PCDHA10: variants seen among roughly 807,000 people sequenced by gnomAD.
PCDHA10 encodes protocadherin alpha 10.
PCDHA10 carries 45 observed loss-of-function variants against 61.2 expected under a neutral mutation model. That is an observed-to-expected ratio of 0.74 (90% CI 0.58 to 0.94). The LOEUF (loss-of-function observed/expected upper bound fraction) is 0.94. Ranked by LOEUF, PCDHA10 falls within the 40% of genes least tolerant of loss-of-function variation. PCDHA10 has a pLI of 0.00. For synonymous variants in PCDHA10, 602 were observed against 548.8 expected (o/e 1.10, Z -1.35); for missense variants, 1,278 against 1,236.2 (o/e 1.03, Z -0.51).
At chr5:140,912,310 A>T (rs936183695) in intron 1 of PCDHA10, among the ~76,000 whole-genome samples, 1 of 151,764 alleles carries the variant, frequency 6.6e-6, no homozygotes, top group African/African-American at 2.4e-5. Flanking sequence ...AATCCAGTCA[A>T]GTTGACCCTC....
In PCDHA10 at chr5:140,940,501, C is replaced by T. The variant is rs542798581; in HGVS notation, c.2389-38448C>T. Among the ~76,000 whole-genome samples, 272 of 152,010 alleles carry T rather than the reference C, an allele frequency of 1.8e-3. 2 individuals are homozygous for T. The highest frequency in any genetic ancestry group is 6.1e-3 in the African/African-American group (254 of 41,464). Reference sequence around the variant, plus strand: ...TTTTTCAAGACAAGTCTTGCTCCGTCGCTCAGGCGTGATCATAGCTCACTG... The same window carrying T: ...TTTTTCAAGACAAGTCTTGCTCCGTTGCTCAGGCGTGATCATAGCTCACTG... On this transcript the variant is annotated intron_variant, in intron 1 of 3. Coordinates refer to ENST00000307360, the MANE Select transcript of PCDHA10 (RefSeq NM_018901.4).
rs781842183 is a variant in PCDHA10 at position 140,858,154 on chromosome 5, C to G, written c.2106C>G (p.Ile702Met). 2 of 1,597,814 alleles carry G rather than the reference C, an allele frequency of 1.3e-6. No homozygotes were observed. The highest frequency in any genetic ancestry group is 1.3e-5 in the African/African-American group (1 of 74,538). Residue 702 changes from isoleucine to methionine, a missense_variant, in exon 1 of 4, where the codon ATC (isoleucine) becomes ATG (methionine). Transcript: ENST00000307360. The stretch of plus-strand genomic sequence containing the variant: ...TCAACGTGTACCTGATCATCGCCAT[C>G]TGCGCGGTGTCCAGCTTGCTGGTGC... Reference protein sequence around the residue: ...VDVNVYLIIAICAVSSLLVLT... With the variant: ...VDVNVYLIIAMCAVSSLLVLT...
chr5:140,967,361 C>G (rs1323729968), intron 1 of PCDHA10: 9 of 1,607,256 alleles, frequency 5.6e-6, no homozygotes, highest in African/African-American at 1.3e-5. Context: ...GGACCTTAAG[C>G]CCCTGCAGGA....
At chr5:140,912,578 A>G (rs2075983045) in intron 1 of PCDHA10, among the ~76,000 whole-genome samples, 1 of 152,052 alleles carries the variant, frequency 6.6e-6, no homozygotes, top group Admixed American at 6.5e-5. Context: ...CCTCTTTTCC[A>G]ATTTGGATGC....
intron 3 of PCDHA10, among the ~76,000 whole-genome samples, chr5:140,998,221 C>G (rs1478098925): frequency 1.3e-5 from 2 of 152,160 alleles, no homozygotes; most frequent in Non-Finnish European, 2.9e-5. Flanking sequence ...TAACCACACC[C>G]AGAAATTTGT....
At chr5:140,927,720 G>A in intron 1 of PCDHA10, 6 of 1,614,174 alleles carry the variant, frequency 3.7e-6, no homozygotes, top group Non-Finnish European at 4.2e-6. Context: ...GCAACAGCAC[G>A]CAAGCAGAGC....
At chr5:140,869,529 T>A in intron 1 of PCDHA10, 2 of 1,614,166 alleles carry the variant, frequency 1.2e-6, no homozygotes, top group Non-Finnish European at 1.7e-6. Flanking sequence ...AGCTGCTGAT[T>A]GCGGAATCTA....
chr5:140,869,484 C>G (rs782167038), intron 1 of PCDHA10: 2 of 1,613,948 alleles, frequency 1.2e-6, no homozygotes, highest in Non-Finnish European at 1.7e-6. Context: ...AGGACATTAA[C>G]GACAACCCGC....
rs782023174 is a variant in PCDHA10 at position 140,870,968 on chromosome 5, G to A, written c.2388+12532G>A. 39 of 1,613,492 alleles carry A rather than the reference G, an allele frequency of 2.4e-5. No homozygotes were observed. Among genetic ancestry groups the A allele is most frequent in the Admixed American group, 2.2e-4 (13 of 59,998 alleles). ...GCGGGCGGCTCGCGCATCCCGTTCC[G>A]CGTGGGGCTGTACACGGGCGAGATA... On this transcript the variant is annotated intron_variant, in intron 1 of 3. Transcript: ENST00000307360.
At chr5:140,869,857 A>T in intron 1 of PCDHA10, 1 of 1,610,928 alleles carries the variant, frequency 6.2e-7, no homozygotes, top group Non-Finnish European at 8.5e-7. Flanking sequence ...GGTGAGCCTT[A>T]TGGAAAATGC....
chr5:140,918,111 C>T (rs1035723043), intron 1 of PCDHA10, among the ~76,000 whole-genome samples: 1 of 152,016 alleles, frequency 6.6e-6, no homozygotes, highest in Non-Finnish European at 1.5e-5. Flanking sequence ...CTTTCACATC[C>T]TTGATTAGCC....
At position 140,870,848 on chromosome 5, in the gene PCDHA10, G is replaced by C. The variant is rs368769297; in HGVS notation, c.2388+12412G>C. The C allele has an allele frequency of 2.2e-5, 35 of 1,613,876 alleles. No homozygotes were observed. In the African/African-American group the frequency reaches 3.3e-4, roughly 15 times the overall value. ...GGCGCAGTTAACAAGCTAGTACCGCGGTCGGTGGGTGCGGGCCACGTGGTG... is the reference window on the plus strand; with the variant it reads ...GGCGCAGTTAACAAGCTAGTACCGCCGTCGGTGGGTGCGGGCCACGTGGTG... On this transcript the variant is annotated intron_variant, in intron 1 of 3. Transcript: ENST00000307360.
In PCDHA10 at chr5:140,968,189, T is replaced by G. The variant is rs181004208; in HGVS notation, c.2389-10760T>G. The G allele has an allele frequency of 2.2e-5, 35 of 1,614,034 alleles. No individual in the cohort carries two copies. The Admixed American group carries it at 4.2e-4, about 19-fold the overall frequency. On this transcript the variant is annotated intron_variant, in intron 1 of 3. Coordinates refer to ENST00000307360, the MANE Select transcript of PCDHA10 (RefSeq NM_018901.4). ...ACCAAGCTTCCTGGAGGACTCCTAT[T>G]CCATCTACATACAGGAGAACAATTT... is the stretch of plus-strand genomic sequence containing the variant.
intron 1 of PCDHA10, chr5:140,867,518 A>T (rs2050002627): frequency 6.6e-6 from 1 of 152,128 alleles, no homozygotes; most frequent in Non-Finnish European, 1.5e-5. Context: ...TCAAATTAAT[A>T]GTTGAATATA....
chr5:140,918,153 C>A (rs1554198452), intron 1 of PCDHA10, among the ~76,000 whole-genome samples: 2 of 152,036 alleles, frequency 1.3e-5, no homozygotes, highest in African/African-American at 2.4e-5. Flanking sequence ...TTGTGTATGT[C>A]TATTGTAAAT....
chr5:140,990,611 G>T lies in PCDHA10; in HGVS notation c.2536+8048G>T, dbSNP rs577900189. ...AATCACCTGGAGTCAGATGAATACCGTAAAGGTCTGTGGTAAGACTAGAAG... is the reference window on the plus strand; with the variant it reads ...AATCACCTGGAGTCAGATGAATACCTTAAAGGTCTGTGGTAAGACTAGAAG... On this transcript the variant is annotated intron_variant, in intron 3 of 3. Transcript: ENST00000307360. 5.3e-5 allele frequency among the ~76,000 whole-genome samples: 8 copies of T among 152,230 alleles called. No homozygotes were observed. In the East Asian group the frequency reaches 9.6e-4, roughly 18 times the overall value.
At chr5:140,973,449 C>CT (rs2096588066) in intron 1 of PCDHA10, among the ~76,000 whole-genome samples, 1 of 152,188 alleles carries the variant, frequency 6.6e-6, no homozygotes, top group African/African-American at 2.4e-5. Flanking sequence ...TTTATAATGA[C>CT]TGGGGCTGTT....
In PCDHA10 at chr5:140,856,185, G is replaced by T. The variant is rs1554148335; in HGVS notation, c.137G>T (p.Arg46Leu). 1 of 1,598,044 alleles carries T rather than the reference G, an allele frequency of 6.3e-7. No homozygotes were observed. Among genetic ancestry groups the T allele is most frequent in the Non-Finnish European group, 8.6e-7 (1 of 1,167,902 alleles). ...GCCAGACACGGCACCTTCGTGGGCC[G>T]CATCGCGCAGGACCTGGGGCTGGAG... ...EEARHGTFVG[R>L]IAQDLGLELA... The change falls in exon 1 of 4, where the codon CGC (arginine) becomes CTC (leucine). Residue 46 changes from arginine to leucine, a missense_variant. Arg to Leu is a moderately radical substitution (Grantham distance 102, BLOSUM62 -2). Coordinates refer to ENST00000307360, the MANE Select transcript of PCDHA10 (RefSeq NM_018901.4).
Position 141,009,957 on chromosome 5 carries a change from G to T in PCDHA10, c.*20G>T. ...CAGTGAGGTCCTCAAATGGAAACAA[G>T]CCACTTAGCCAGTTTTTGTAATAAT... On this transcript the variant is annotated 3_prime_UTR_variant, in exon 4 of 4. Coordinates refer to ENST00000307360, the MANE Select transcript of PCDHA10 (RefSeq NM_018901.4). 1 of 1,589,160 alleles carries T rather than the reference G, an allele frequency of 6.3e-7. No homozygotes were observed. Among genetic ancestry groups the T allele is most frequent in the Non-Finnish European group, 8.5e-7 (1 of 1,171,102 alleles).
Sources: gnomAD v4.1 joint callset for allele counts (sites outside exome capture counted in the v4.1 genomes callset) on GRCh38, gnomAD v4.1.1 for gene constraint, MANE v1.5 for transcripts, NCBI Gene and HGNC (gene_info 2026-07-23, HGNC 2026-07-21) for gene names.